The following DCTN2 variants were observed in gnomAD, a reference collection of about 807,000 sequenced individuals.
DCTN2 encodes the protein 50 kDa dynein-associated polypeptide.
DCTN2 carries 18 observed loss-of-function variants against 55.4 expected under a neutral mutation model. The observed-to-expected ratio is 0.32, with a 90% CI of 0.22 to 0.48. The LOEUF is 0.48. DCTN2 is among the 20% of genes least tolerant of loss of function. The probability of loss-of-function intolerance (pLI) is 0.99; values close to 1 mark genes in which losing one functional copy is unlikely to be tolerated. For synonymous variants in DCTN2, 168 were observed against 185.2 expected (o/e 0.91, Z 0.76); for missense variants, 390 against 491.0 (o/e 0.79, Z 1.94).
chr12:57,530,718 C>T lies in DCTN2; in HGVS notation c.1177G>A (p.Asp393Asn), dbSNP rs751177004. Residue 393 changes from aspartate (D) to asparagine (N), a missense_variant, in exon 14 of 14, where the codon GAT (aspartate) becomes AAT (asparagine). Transcript: ENST00000548249. Reference sequence around the variant, plus strand: ...TTTCCCAGCTTCTTCATCCGTTCATCAATGCTGGCAAAGTTCCCCTCAACT... The same window carrying T: ...TTTCCCAGCTTCTTCATCCGTTCATTAATGCTGGCAAAGTTCCCCTCAACT... ...ATVEGNFASI[D>N]ERMKKLGK 6.2e-7 allele frequency: 1 copy of T among 1,613,984 alleles called. No individual in the cohort carries two copies. Among genetic ancestry groups the T allele is most frequent in the South Asian group, 1.1e-5 (1 of 91,084 alleles).
At position 57,537,090 on chromosome 12, in the gene DCTN2, C is replaced by T. The variant is rs1257415690; in HGVS notation, c.106-1245G>A. Among the ~76,000 whole-genome samples the T allele has an allele frequency of 6.6e-5, 10 of 151,100 alleles. No individual in the cohort carries two copies. In the South Asian group the frequency reaches 1.0e-3, roughly 16 times the overall value. ...CTAATTCCAAGTGATCCACCCGCCT[C>T]GGCCTCCCAAAGTTCGGCCAAGGCG... On this transcript the variant is annotated intron_variant, in intron 2 of 13. Transcript: ENST00000548249.
chr12:57,534,811 T>C (rs1880090188), intron 5 of DCTN2, among the ~76,000 whole-genome samples: 1 of 152,064 alleles, frequency 6.6e-6, no homozygotes, highest in African/African-American at 2.4e-5. Flanking sequence ...GGATTACAGG[T>C]ATGCGCCACC....
chr12:57,532,930 C>G (rs539305059), intron 9 of DCTN2, 54 bp downstream of exon 9: 3 of 1,596,382 alleles, frequency 1.9e-6, no homozygotes, highest in South Asian at 1.1e-5. Flanking sequence ...AAAGCAAACC[C>G]AAACCCAACT....
At chr12:57,532,959 A>G (rs1482747570) in intron 9 of DCTN2, 25 bp downstream of exon 9, 1 of 1,599,516 alleles carries the variant, frequency 6.3e-7, no homozygotes, top group Non-Finnish European at 8.5e-7. Context: ...TGTGATCCAA[A>G]CACTCCAGTT....
rs1164672816 is a variant in DCTN2 at position 57,538,667 on chromosome 12, G to GC, written c.106-2823dup. On this transcript the variant is annotated intron_variant, in intron 2 of 13. Coordinates refer to ENST00000548249, the MANE Select transcript of DCTN2 (RefSeq NM_001261413.2). ...CTACATGACAGTCTTCCAACACACTGCACCACAGGGCCCCAGGGGAGCCTA... is the reference window on the plus strand; with the variant it reads ...CTACATGACAGTCTTCCAACACACTGCCACCACAGGGCCCCAGGGGAGCCTA... 4 of 642,210 alleles carry GC rather than the reference G, an allele frequency of 6.2e-6. No homozygotes were observed. The Admixed American group carries it at 8.8e-5, about 14-fold the overall frequency. 39.8% of individuals were successfully genotyped at this position (642,210 alleles called of 1,614,324 possible).
chr12:57,538,187 C>T, intron 2 of DCTN2: 1 of 423,514 alleles, frequency 2.4e-6, no homozygotes, highest in Admixed American at 3.4e-5. Context: ...AGGTTCTGGA[C>T]AGTCACAGGG....
rs73346023 is a variant in DCTN2, at chr12:57,543,417, A to C, written c.105+2611T>G. 6.5e-3 allele frequency among the ~76,000 whole-genome samples: 985 copies of C among 151,802 alleles called. 9 individuals carry two copies. The highest frequency in any genetic ancestry group is 0.023 in the African/African-American group (941 of 41,436). On this transcript the variant is annotated intron_variant, in intron 2 of 13. Transcript: ENST00000548249. ...TTCAGCCACAAGACAGGTCATGTGC[A>C]CTGTCACTTGTACTAGGTCTTGGGC...
intron 13 of DCTN2, 82 bp downstream of exon 13, chr12:57,531,933 C>T: frequency 1.3e-6 from 2 of 1,540,874 alleles, no homozygotes; most frequent in South Asian, 1.2e-5. Flanking sequence ...ACAAAATAGG[C>T]TAAGGCAGAA....
At chr12:57,537,452 C>T (rs935684395) in intron 2 of DCTN2, among the ~76,000 whole-genome samples, 3 of 150,770 alleles carry the variant, frequency 2.0e-5, no homozygotes, top group African/African-American at 7.3e-5. Flanking sequence ...GTGATTCTAA[C>T]CTACAGCCAG....
At chr12:57,534,516 T>G in intron 5 of DCTN2, 64 bp from the exon 6 acceptor site, 1 of 1,523,766 alleles carries the variant, frequency 6.6e-7, no homozygotes, top group Non-Finnish European at 8.8e-7. Context: ...AAAAAATAGG[T>G]CAAGCCCTTT....
intron 2 of DCTN2, among the ~76,000 whole-genome samples, chr12:57,539,144 CA>C (rs1880489220): frequency 6.6e-6 from 1 of 152,202 alleles, no homozygotes; most frequent in Admixed American, 6.5e-5. Flanking sequence ...CAAAATATGT[CA>C]GGTACAGATG....
At chr12:57,533,372 T>C in intron 7 of DCTN2, 69 bp from the exon 8 acceptor site, 2 of 1,388,774 alleles carry the variant, frequency 1.4e-6, no homozygotes, top group South Asian at 1.2e-5. Flanking sequence ...AATACGATCC[T>C]GCTCTACTCT....
chr12:57,539,259 G>A (rs1396588932), intron 2 of DCTN2, among the ~76,000 whole-genome samples: 1 of 152,248 alleles, frequency 6.6e-6, no homozygotes, highest in Non-Finnish European at 1.5e-5. Context: ...AGCCTGGCAT[G>A]TTTGCCTCCA....
chr12:57,542,686 G>C (rs1880791741), intron 2 of DCTN2, among the ~76,000 whole-genome samples: 1 of 152,088 alleles, frequency 6.6e-6, no homozygotes. Context: ...AGGTGTGGTG[G>C]CACATGCCTG....
At position 57,530,608 on chromosome 12, in the gene DCTN2, G is replaced by T; in HGVS notation, c.*81C>A. ...ATGGGATGGGGATGCTAGAGTTATA[G>T]TAAAGGGGAAACCCTATGTAAGCTG... On this transcript the variant is annotated 3_prime_UTR_variant, in exon 14 of 14. Transcript: ENST00000548249. 1 of 1,259,562 alleles carries T rather than the reference G, an allele frequency of 7.9e-7. No homozygotes were observed. Among genetic ancestry groups the T allele is most frequent in the Non-Finnish European group, 1.1e-6 (1 of 880,568 alleles). 78.0% of individuals were successfully genotyped at this position (1,259,562 alleles called of 1,614,324 possible). A position where few individuals can be genotyped will look rare whatever the true frequency, so the allele number is the denominator to read the frequency against.
intron 1 of DCTN2, among the ~76,000 whole-genome samples, 192 bp from the exon 2 acceptor site, chr12:57,546,288 A>G (rs1669297): frequency 0.17 from 26,362 of 151,976 alleles, 2,401 homozygotes; most frequent in East Asian, 0.26. Context: ...TGACAGCGGA[A>G]ACAATTGGGA....
intron 2 of DCTN2, chr12:57,540,194 T>C (rs912080187): frequency 1.1e-6 from 1 of 904,130 alleles, no homozygotes; most frequent in African/African-American, 1.8e-5. Context: ...ACACACACTA[T>C]ACCTTTCTCT....
intron 8 of DCTN2, 50 bp downstream of exon 8, chr12:57,533,188 C>T (rs778746712): frequency 7.5e-6 from 12 of 1,602,836 alleles, no homozygotes; most frequent in Non-Finnish European, 1.0e-5. Flanking sequence ...ACCTTAAGGC[C>T]TAGAGTTGCA....
intron 2 of DCTN2, among the ~76,000 whole-genome samples, chr12:57,537,362 G>GA (rs56278180): frequency 0.061 from 3,542 of 58,132 alleles, 118 homozygotes; most frequent in African/African-American, 0.14. Flanking sequence ...AGAGAGAAAA[G>GA]AAAAAAAAAA....
Sources: allele counts gnomAD v4.1 joint callset (sites outside exome capture counted in the v4.1 genomes callset), GRCh38; gene constraint gnomAD v4.1.1; transcripts MANE v1.5; gene names NCBI Gene and HGNC (gene_info 2026-07-23, HGNC 2026-07-21).